PCDHGB2: variants seen among roughly 807,000 people sequenced by gnomAD.
The protein encoded by PCDHGB2 is protocadherin gamma subfamily B, 2.
In PCDHGB2, 55 loss-of-function variants were observed where a neutral mutation model predicts 59.3. The observed-to-expected ratio is 0.93, with a 90% CI of 0.75 to 1.16. The LOEUF (loss-of-function observed/expected upper bound fraction) is 1.16, where lower values mean the gene tolerates loss of function less well. Among genes scored for constraint, PCDHGB2 ranks in the 50% most tolerant of loss-of-function variants. The pLI, the probability that PCDHGB2 is intolerant of heterozygous loss-of-function variation, is 0.00. For synonymous variants in PCDHGB2, 516 were observed against 512.0 expected, an observed-to-expected ratio of 1.01 and a Z score of -0.11; for missense variants, 1,228 against 1,198.5, an observed-to-expected ratio of 1.02 and a Z score of -0.36.
In PCDHGB2 at chr5:141,388,623, T is replaced by C. The variant is rs767536532; in HGVS notation, c.2421+26067T>C. On this transcript the variant is annotated intron_variant, in intron 1 of 3. Transcript: ENST00000522605. Reference sequence around the variant, plus strand: ...TGCTCCAGTGTTCAGTCAAGACGTATACAGGGTGAGCCTTTCAGAAAACGT... The same window carrying C: ...TGCTCCAGTGTTCAGTCAAGACGTACACAGGGTGAGCCTTTCAGAAAACGT... 3.6e-5 allele frequency: 58 copies of C among 1,613,846 alleles called. No individual in the cohort carries two copies. The highest frequency in any genetic ancestry group is 4.8e-5 in the Non-Finnish European group (57 of 1,179,886).
At position 141,477,160 on chromosome 5, in the gene PCDHGB2, C is replaced by G. The variant is rs768436526; in HGVS notation, c.2422-17647C>G. 2 of 1,614,186 alleles carry G rather than the reference C, an allele frequency of 1.2e-6. No homozygotes were observed. Among genetic ancestry groups the G allele is most frequent in the Admixed American group, 1.7e-5 (1 of 60,020 alleles). On this transcript the variant is annotated intron_variant, in intron 1 of 3. Transcript: ENST00000522605. The surrounding 1 kb of genome is among the most constrained non-coding windows in gnomAD (Gnocchi z 4.9). ...TGGAGGTTGTGGATGTGAATGACAA[C>G]GCCCCGGAGATCACAGTCACCTCCG...
At chr5:141,421,211 T>A (rs866635411) in intron 1 of PCDHGB2, 8 of 1,541,100 alleles carry the variant, frequency 5.2e-6, no homozygotes. Flanking sequence ...CCGCGGAATA[T>A]CGGCTTAGAG....
rs750200042 is a variant in PCDHGB2, at chr5:141,418,821, C to A, written c.2421+56265C>A. On this transcript the variant is annotated intron_variant, in intron 1 of 3. Coordinates refer to ENST00000522605, the MANE Select transcript of PCDHGB2 (RefSeq NM_018923.3). ...GAAAGATATACGATAAACATAGAAG[C>A]AAAAGACCGAGGATCTCTCTCAACA... 8.1e-6 allele frequency: 13 copies of A among 1,613,846 alleles called. 1 individual carries two copies. The highest frequency in any genetic ancestry group is 1.6e-4 in the Middle Eastern group (1 of 6,062).
chr5:141,422,811 C>T (rs748248571), intron 1 of PCDHGB2: 1 of 1,614,248 alleles, frequency 6.2e-7, no homozygotes, highest in Non-Finnish European at 8.5e-7. Context: ...AGTTTCGAGA[C>T]TTAGAACTGA....
Position 141,504,677 on chromosome 5 carries a change from T to C in PCDHGB2, c.2481-716T>C, listed in dbSNP as rs552242248. 4.7e-5 allele frequency among the ~76,000 whole-genome samples: 7 copies of C among 147,580 alleles called. No homozygotes were observed. In the East Asian group the frequency reaches 1.5e-3, roughly 31 times the overall value. ...TTTGAGGGCGGGGGGTGGGGGTTCT[T>C]GTAAAATAGGAGGGGCAGGTTCTTC... On this transcript the variant is annotated intron_variant, in intron 2 of 3. Transcript: ENST00000522605.
rs74964649 is a variant in PCDHGB2 at position 141,370,417 on chromosome 5, G to A, written c.2421+7861G>A. On this transcript the variant is annotated intron_variant, in intron 1 of 3. Transcript: ENST00000522605. Reference sequence around the variant, plus strand: ...GGGATGGGAAATAGCTCCGGATGGAGGGGCCCAGCAGGGCAGAGGCGAATG... The same window carrying A: ...GGGATGGGAAATAGCTCCGGATGGAAGGGCCCAGCAGGGCAGAGGCGAATG... 7.3e-4 allele frequency: 1,146 copies of A among 1,570,760 alleles called. 10 individuals are homozygous for A. In the African/African-American group the frequency reaches 0.014, roughly 19 times the overall value.
chr5:141,492,619 G>A lies in PCDHGB2; in HGVS notation c.2422-2188G>A, dbSNP rs778698501. ...GCGACTGCCGCTCTAAGTGCCGGGC[G>A]GGCAGGACTCTACGATCCTTGGGCC... On this transcript the variant is annotated intron_variant, in intron 1 of 3. Coordinates refer to ENST00000522605, the MANE Select transcript of PCDHGB2 (RefSeq NM_018923.3). 7.8e-4 allele frequency among the ~76,000 whole-genome samples: 118 copies of A among 152,234 alleles called. 1 individual carries two copies. The highest frequency in any genetic ancestry group is 3.3e-3 in the Admixed American group (51 of 15,282).
intron 1 of PCDHGB2, chr5:141,390,142 G>A (rs2092062384): frequency 6.2e-6 from 10 of 1,614,022 alleles, no homozygotes; most frequent in Non-Finnish European, 8.5e-6. Flanking sequence ...TACAATCTAT[G>A]TGTTGCACAT....
chr5:141,409,369 C>T, intron 1 of PCDHGB2: 1 of 1,613,986 alleles, frequency 6.2e-7, no homozygotes, highest in Non-Finnish European at 8.5e-7. Flanking sequence ...TAGAAACAGA[C>T]ATTCCATTCA....
rs779065098 is a variant in PCDHGB2 at position 141,491,758 on chromosome 5, C to T, written c.2422-3049C>T. 1.8e-5 allele frequency: 29 copies of T among 1,578,670 alleles called. No homozygotes were observed. Among genetic ancestry groups the T allele is most frequent in the Non-Finnish European group, 2.2e-5 (26 of 1,163,530 alleles). ...TGGGGGCGGCACTGGAGAAGCCGCC[C>T]GTCCTCATAAGGGATTGAACTTGCA... On this transcript the variant is annotated intron_variant, in intron 1 of 3. Transcript: ENST00000522605. The surrounding 1 kb of genome is among the most constrained non-coding windows in gnomAD (Gnocchi z 6.9).
intron 1 of PCDHGB2, chr5:141,400,515 T>A: frequency 6.2e-7 from 1 of 1,613,988 alleles, no homozygotes. Flanking sequence ...CGACTTCCCA[T>A]CCTGAGTTGG....
rs773484841 is a variant in PCDHGB2 at position 141,432,092 on chromosome 5, A to G, written c.2422-62715A>G. 4.3e-6 allele frequency: 7 copies of G among 1,614,104 alleles called. No individual in the cohort carries two copies. The East Asian group carries it at 1.6e-4, about 36-fold the overall frequency. On this transcript the variant is annotated intron_variant, in intron 1 of 3. Transcript: ENST00000522605. The surrounding 1 kb of genome is among the most constrained non-coding windows in gnomAD (Gnocchi z 6.0). Reference sequence around the variant, plus strand: ...TCATATCTCGCTGAACGTGGCAGACACCAACGACAACCCGCCGGTCTTCCC... The same window carrying G: ...TCATATCTCGCTGAACGTGGCAGACGCCAACGACAACCCGCCGGTCTTCCC...
At chr5:141,404,560 C>T (rs2094540099) in intron 1 of PCDHGB2, 37 of 1,613,460 alleles carry the variant, frequency 2.3e-5, no homozygotes, top group Non-Finnish European at 3.1e-5. Flanking sequence ...CGGCAAGTGA[C>T]AGTGGAAGCC....
At chr5:141,508,096 G>A (rs1489615862) in intron 3 of PCDHGB2, 1 of 152,476 alleles carries the variant, frequency 6.6e-6, no homozygotes, top group African/African-American at 2.4e-5. Context: ...CCTTGGCCCT[G>A]GGATGGGGTA....
chr5:141,460,537 C>T (rs2098991642), intron 1 of PCDHGB2, among the ~76,000 whole-genome samples: 1 of 152,062 alleles, frequency 6.6e-6, no homozygotes, highest in African/African-American at 2.4e-5. Context: ...ATAATCTTAG[C>T]ACCTTAATCA....
At position 141,362,516 on chromosome 5, in the gene PCDHGB2, G is replaced by T; in HGVS notation, c.2381G>T (p.Gly794Val). 6.2e-7 allele frequency: 1 copy of T among 1,613,984 alleles called. No homozygotes were observed. Among genetic ancestry groups the T allele is most frequent in the Non-Finnish European group, 8.5e-7 (1 of 1,179,890 alleles). ...TCTTGGGAACAAAATACAAATCATG[G>T]AGCCGCTGGGGTCCCTTTTGCCTCA... ...NASWEQNTNHGAAGVPFASDT... is the reference protein window; with the variant it reads ...NASWEQNTNHVAAGVPFASDT... Residue 794 changes from glycine to valine, a missense_variant, in exon 1 of 4, where the codon GGA becomes GTA. By Grantham distance (109) the Gly-to-Val change is moderately radical. Transcript: ENST00000522605.
intron 1 of PCDHGB2, chr5:141,394,693 G>C: frequency 1.2e-6 from 2 of 1,613,006 alleles, no homozygotes; most frequent in Non-Finnish European, 1.7e-6. Context: ...GGCGAGGTGC[G>C]CACGGCGCGA....
intron 1 of PCDHGB2, chr5:141,403,680 C>A: frequency 6.2e-7 from 1 of 1,613,846 alleles, no homozygotes; most frequent in Non-Finnish European, 8.5e-7. Context: ...CCGGTTTTTG[C>A]TCAACGGATT....
chr5:141,497,614 A>G (rs1377740795), intron 2 of PCDHGB2, among the ~76,000 whole-genome samples: 1 of 146,530 alleles, frequency 6.8e-6, no homozygotes, highest in Admixed American at 7.0e-5. Context: ...ATCTTGGCTC[A>G]CTGCAACCTC....
Sources: gnomAD v4.1 joint callset for allele counts (sites outside exome capture counted in the v4.1 genomes callset) on GRCh38, gnomAD v4.1.1 for gene constraint, Gnocchi (gnomAD v3.1) non-coding constraint, MANE v1.5 for transcripts, NCBI Gene and HGNC (gene_info 2026-07-23, HGNC 2026-07-21) for gene names.